SMARCD3: variants seen among roughly 807,000 people sequenced by gnomAD.
SMARCD3 encodes the protein SWI/SNF-related matrix-associated actin-dependent regulator of chromatin subfamily D member 3.
In SMARCD3, 14 loss-of-function variants were observed where a neutral mutation model predicts 58.0. The ratio of observed to expected loss-of-function variants is 0.24; its 90% CI spans 0.16 to 0.38. The LOEUF (loss-of-function observed/expected upper bound fraction) is 0.38. Ranked by LOEUF, SMARCD3 falls within the 10% of genes least tolerant of loss-of-function variation. The pLI is 1.00. For missense variants in SMARCD3, 408 were observed against 636.9 expected (o/e 0.64, Z 3.87); for synonymous variants, 253 against 253.8 (o/e 1.00, Z 0.03).
intron 1 of SMARCD3, chr7:151,275,301 T>C (rs1287707728): frequency 1.1e-5 from 8 of 707,148 alleles, no homozygotes; most frequent in Non-Finnish European, 1.8e-5. Context: ...CAAGGAGGCC[T>C]CGGGAAGCTG....
intron 2 of SMARCD3, among the ~76,000 whole-genome samples, chr7:151,260,561 T>C (rs1442961426): frequency 6.6e-6 from 1 of 152,192 alleles, no homozygotes; most frequent in African/African-American, 2.4e-5. Context: ...TCTGTGGTCC[T>C]CACAACCAAG....
At chr7:151,265,419 C>A (rs1804049409) in intron 2 of SMARCD3, among the ~76,000 whole-genome samples, 1 of 152,250 alleles carries the variant, frequency 6.6e-6, no homozygotes, top group African/African-American at 2.4e-5. Flanking sequence ...TGATTTCAGA[C>A]TTCCAGCCTC....
In SMARCD3 at chr7:151,240,244, C is replaced by A. The variant is rs768409786; in HGVS notation, c.1041G>T (p.Val347=). 4 of 1,613,874 alleles carry A rather than the reference C, an allele frequency of 2.5e-6. No individual in the cohort carries two copies. The highest frequency in any genetic ancestry group is 3.4e-6 in the Non-Finnish European group (4 of 1,179,926). The change falls in exon 10 of 13, where the codon GTG becomes GTT. Residue 347 remains valine, a synonymous_variant. Coordinates refer to ENST00000262188, the MANE Select transcript of SMARCD3 (RefSeq NM_001003801.2). The part of the protein sequence containing the change: ...DPIVINHVIS[V]DPSDQKKTAC... ...CCGTCTTCTTCTGGTCTGAAGGGTC[C>A]ACGCTGCCAGGGAAGTCCAGCCCTT...
chr7:151,244,705 G>A (rs1219080559), intron 2 of SMARCD3, among the ~76,000 whole-genome samples: 3 of 152,082 alleles, frequency 2.0e-5, no homozygotes, highest in African/African-American at 7.2e-5. Flanking sequence ...TTTTTTCCCC[G>A]ATGTGTAAAA....
chr7:151,269,467 T>C (rs1795092893), intron 2 of SMARCD3, among the ~76,000 whole-genome samples: 1 of 152,220 alleles, frequency 6.6e-6, no homozygotes, highest in African/African-American at 2.4e-5. Context: ...AAAAACTTTA[T>C]GAAAGGCAAA....
At position 151,253,952 on chromosome 7, in the gene SMARCD3, C is replaced by T. The variant is rs115074204; in HGVS notation, c.40-8281G>A. Among the ~76,000 whole-genome samples, 276 of 152,212 alleles carry T rather than the reference C, an allele frequency of 1.8e-3. 1 individual carries two copies. The highest frequency in any genetic ancestry group is 6.4e-3 in the African/African-American group (267 of 41,510). On this transcript the variant is annotated intron_variant, in intron 2 of 13. Transcript: ENST00000356800. ...AGAACCATCCTCACTCTCCTCTCCT[C>T]TCCCTCCGGATCAACACCTGGCACA... is the stretch of plus-strand genomic sequence containing the variant.
chr7:151,256,391 G>A (rs1278784071), intron 2 of SMARCD3, among the ~76,000 whole-genome samples: 2 of 148,976 alleles, frequency 1.3e-5, no homozygotes, highest in African/African-American at 5.0e-5. Flanking sequence ...GGCTGGTCTC[G>A]AACTCCTGAC....
At chr7:151,253,473 G>C (rs1429229719), upstream of SMARCD3, among the ~76,000 whole-genome samples, 1 of 152,194 alleles carries the variant, frequency 6.6e-6, no homozygotes, top group African/African-American at 2.4e-5. Flanking sequence ...TTAGTGGAAT[G>C]AATGAGGCCT....
At chr7:151,249,334 C>G (rs1419853944), upstream of SMARCD3, 2 of 152,142 alleles carry the variant, frequency 1.3e-5, no homozygotes, top group African/African-American at 4.8e-5. The surrounding 1 kb of genome is among the most constrained non-coding windows in gnomAD (Gnocchi z 4.8). Context: ...TGTGGCGTGG[C>G]AGCTTATGTG....
chr7:151,261,173 G>C (rs965334636), intron 2 of SMARCD3, among the ~76,000 whole-genome samples: 2 of 152,232 alleles, frequency 1.3e-5, no homozygotes, highest in Non-Finnish European at 2.9e-5. Flanking sequence ...CGGTGTGATG[G>C]CTCCTAGCCT....
Position 151,273,710 on chromosome 7 carries a change from A to G in SMARCD3, c.39+1404T>C, listed in dbSNP as rs1795248409. ...TTTCCTGCAGGTGGACTGGGGCTTC[A>G]GGTGTGGGGCTGGGCATGCCGCCAC... On this transcript the variant is annotated intron_variant, in intron 2 of 13. Coordinates refer to the SMARCD3 transcript ENST00000356800. Among the ~76,000 whole-genome samples the G allele has an allele frequency of 3.9e-5, 6 of 152,272 alleles. No individual in the cohort carries two copies. In the South Asian group the frequency reaches 1.2e-3, roughly 32 times the overall value.
At chr7:151,270,965 G>C (rs1319314717) in intron 2 of SMARCD3, among the ~76,000 whole-genome samples, 1 of 152,178 alleles carries the variant, frequency 6.6e-6, no homozygotes, top group Non-Finnish European at 1.5e-5. Flanking sequence ...AGGTAAGAAA[G>C]GGGGTGGACT....
intron 2 of SMARCD3, among the ~76,000 whole-genome samples, chr7:151,273,485 C>T (rs1464728227): frequency 6.6e-6 from 1 of 152,196 alleles, no homozygotes; most frequent in South Asian, 2.1e-4. Flanking sequence ...CATCAGCCTG[C>T]CCCCCGTTCA....
chr7:151,267,379 G>A (rs763256511), intron 2 of SMARCD3, among the ~76,000 whole-genome samples: 35 of 152,312 alleles, frequency 2.3e-4, no homozygotes, highest in Admixed American at 5.9e-4. Context: ...TTGAAAGTGA[G>A]GCTCAAACTC....
Position 151,245,591 on chromosome 7 carries a change from G to T in SMARCD3, c.159C>A (p.Ser53Arg). The T allele has an allele frequency of 8.6e-7, 1 of 1,164,964 alleles. No individual in the cohort carries two copies. The highest frequency in any genetic ancestry group is 1.1e-6 in the Non-Finnish European group (1 of 927,626). 72.2% of individuals were successfully genotyped at this position (1,164,964 alleles called of 1,614,324 possible). The part of the protein sequence containing the change: ...MGPPGSPYMG[S>R]PAVRPGLAPA... ...GGGCCAGGCCGGGTCGCACGGCGGG[G>T]CTGCCCATGTACGGGGAGCCCGGGG... Residue 53 changes from serine to arginine, a missense_variant, in exon 2 of 13, where the codon AGC becomes AGA. Physicochemically the swap from Ser to Arg is moderately radical, Grantham distance 110 (BLOSUM62 -1). Around this residue, in one of 4 missense-constraint regions of SMARCD3, gnomAD observed 84 missense variants for 81.2 expected, o/e 1.03. Coordinates refer to ENST00000262188, the MANE Select transcript of SMARCD3 (RefSeq NM_001003801.2). The surrounding 1 kb of genome is among the most constrained non-coding windows in gnomAD (Gnocchi z 6.2).
At chr7:151,252,442 A>C (rs374582912), upstream of SMARCD3, among the ~76,000 whole-genome samples, 1 of 136,712 alleles carries the variant, frequency 7.3e-6, no homozygotes, top group Non-Finnish European at 1.5e-5. Flanking sequence ...TGTGTGTGTG[A>C]GAGAGAGAGA....
intron 2 of SMARCD3, among the ~76,000 whole-genome samples, chr7:151,264,058 A>ATT (rs780437491): frequency 0.2 from 27,435 of 135,410 alleles, 3,263 homozygotes; most frequent in Non-Finnish European, 0.27. Flanking sequence ...TGAAGACAGG[A>ATT]TTTTTTTTTT....
At position 151,242,756 on chromosome 7, in the gene SMARCD3, C is replaced by A. The variant is rs1251012916; in HGVS notation, c.421G>T (p.Val141Leu). Residue 141 changes from valine (V) to leucine (L), a missense_variant, in exon 4 of 13, where the codon GTG (valine) becomes TTG (leucine). Around this residue, in one of 4 missense-constraint regions of SMARCD3, gnomAD observed 128 missense variants for 188.8 expected, o/e 0.68. Coordinates refer to ENST00000262188, the MANE Select transcript of SMARCD3 (RefSeq NM_001003801.2). This position sits in a 1 kb window ranked among gnomAD's most constrained non-coding sequence, Gnocchi z 4.7. Reference protein sequence around the residue: ...KLDQTIMRKRVDIQEALKRPM... With the variant: ...KLDQTIMRKRLDIQEALKRPM... ...CTCTTCAGAGCCTCCTGGATGTCCACCCGCTTCCGCATGATGGTTTGATCC... is the reference window on the plus strand; with the variant it reads ...CTCTTCAGAGCCTCCTGGATGTCCAACCGCTTCCGCATGATGGTTTGATCC... 3.1e-6 allele frequency: 5 copies of A among 1,614,002 alleles called. No homozygotes were observed. In the African/African-American group the frequency reaches 5.3e-5, roughly 17 times the overall value.
chr7:151,251,834 G>A (rs1180883005), upstream of SMARCD3, among the ~76,000 whole-genome samples: 3 of 150,454 alleles, frequency 2.0e-5, no homozygotes, highest in East Asian at 5.9e-4. Context: ...GGAGAGATGC[G>A]CCGCGGCCTG....
Sources: gnomAD v4.1 joint callset for allele counts (sites outside exome capture counted in the v4.1 genomes callset) on GRCh38, gnomAD v4.1.1 for gene constraint, gnomAD v4.1.1 regional missense constraint, Gnocchi (gnomAD v3.1) non-coding constraint, MANE v1.5 for transcripts, NCBI Gene and HGNC (gene_info 2026-07-23, HGNC 2026-07-21) for gene names.